The following CIB1 variants were observed in gnomAD, a reference collection of about 807,000 sequenced individuals.
CIB1 encodes calcium and integrin-binding protein 1.
CIB1 carries 19 observed loss-of-function variants against 25.0 expected under a neutral mutation model. The observed-to-expected ratio is 0.76, with a 90% confidence interval of 0.53 to 1.12. CIB1 has a LOEUF of 1.12. Among genes scored for constraint, CIB1 ranks in the 50% most tolerant of loss-of-function variants. The probability of loss-of-function intolerance (pLI) is 0.00; values close to 1 mark genes in which losing one functional copy is unlikely to be tolerated. For synonymous variants in CIB1, 104 were observed against 98.5 expected (o/e 1.06, Z -0.33); for missense variants, 236 against 242.6 (o/e 0.97, Z 0.18).
At chr15:90,265,324 G>C in the CIB1 span, 2 of 1,219,796 alleles carry the variant, frequency 1.6e-6, no homozygotes. Context: ...GAAGCCGAGT[G>C]CCCAAGGCAC....
chr15:90,242,170 C>T, the CIB1 span: 1 of 962,532 alleles, frequency 1.0e-6, no homozygotes, highest in Non-Finnish European at 1.5e-6. Flanking sequence ...TCACTGTAGC[C>T]TCCACCTCTG....
chr15:90,263,423 C>T, the CIB1 span: 1 of 482,302 alleles, frequency 2.1e-6, no homozygotes, highest in African/African-American at 1.9e-5. Context: ...CCAAAATAAC[C>T]CCACACTCAT....
At chr15:90,230,865 T>C in intron 6 of CIB1, 69 bp downstream of exon 6, 2 of 1,331,820 alleles carry the variant, frequency 1.5e-6, no homozygotes, top group South Asian at 1.2e-5. Context: ...CCTGTAGCCA[T>C]GCCCTAGGCC....
chr15:90,247,298 C>CT, the CIB1 span, among the ~76,000 whole-genome samples: 5,865 of 134,266 alleles, frequency 0.044, 505 homozygotes, highest in African/African-American at 0.15. Context: ...TTTCTTTTTT[C>CT]TTTTTTTTTT....
chr15:90,241,446 C>A, the CIB1 span: 2 of 1,613,534 alleles, frequency 1.2e-6, no homozygotes, highest in South Asian at 1.1e-5. Flanking sequence ...GCTCCCCCAG[C>A]GCCTGCTGCC....
At chr15:90,241,034 G>A in the CIB1 span, 14 of 1,614,038 alleles carry the variant, frequency 8.7e-6, no homozygotes, top group Admixed American at 1.7e-5. Context: ...AAGGGATTCA[G>A]TGGCCAAGGA....
the CIB1 span, chr15:90,263,071 C>T: frequency 1.0e-5 from 16 of 1,536,138 alleles, no homozygotes; most frequent in Non-Finnish European, 1.3e-5. Flanking sequence ...CATCCGAAGC[C>T]TGGGTATTGT....
the CIB1 span, among the ~76,000 whole-genome samples, chr15:90,256,752 G>T: frequency 6.6e-6 from 1 of 151,326 alleles, no homozygotes; most frequent in African/African-American, 2.4e-5. Flanking sequence ...GCAGCGGCAC[G>T]ATCTCAGCTC....
At chr15:90,236,585 G>A (rs749922426), upstream of CIB1, among the ~76,000 whole-genome samples, 10 of 152,142 alleles carry the variant, frequency 6.6e-5, no homozygotes, top group Non-Finnish European at 1.3e-4. Context: ...CCAGGCTGGA[G>A]TACAGTGGTA....
the CIB1 span, among the ~76,000 whole-genome samples, chr15:90,239,058 G>C: frequency 2.0e-5 from 3 of 152,118 alleles, no homozygotes; most frequent in Non-Finnish European, 4.4e-5. Flanking sequence ...TGAGTGTATA[G>C]GATGTTCATT....
chr15:90,256,031 G>T, the CIB1 span: 1 of 1,558,144 alleles, frequency 6.4e-7, no homozygotes, highest in Admixed American at 1.8e-5. Flanking sequence ...GAGGGTCTGA[G>T]ACTGAGTGCT....
the CIB1 span, chr15:90,265,334 C>T: frequency 2.4e-6 from 3 of 1,225,156 alleles, no homozygotes; most frequent in Non-Finnish European, 2.0e-6. Context: ...GCCCAAGGCA[C>T]TGGGCTGTCG....
the CIB1 span, chr15:90,255,824 A>G: frequency 1.2e-6 from 2 of 1,614,160 alleles, no homozygotes; most frequent in Non-Finnish European, 1.7e-6. Context: ...CCTCAACCGC[A>G]TGTACAAACT....
upstream of CIB1, among the ~76,000 whole-genome samples, chr15:90,236,669 G>T (rs1488194030): frequency 1.3e-5 from 2 of 151,828 alleles, no homozygotes; most frequent in African/African-American, 4.8e-5. Flanking sequence ...GAGTAGCTGG[G>T]ATTACAGGAG....
chr15:90,230,896 C>T (rs1962463285), intron 6 of CIB1, 38 bp downstream of exon 6: 1 of 1,564,588 alleles, frequency 6.4e-7, no homozygotes. Flanking sequence ...AGGTCGGAAC[C>T]TGCAGGTACC....
the CIB1 span, among the ~76,000 whole-genome samples, chr15:90,254,759 T>A: frequency 6.6e-6 from 1 of 151,792 alleles, no homozygotes; most frequent in Non-Finnish European, 1.5e-5. Flanking sequence ...GGCAGGAGGA[T>A]CTCTTGAGCC....
chr15:90,251,508 T>A, the CIB1 span: 1 of 1,561,984 alleles, frequency 6.4e-7, no homozygotes, highest in Non-Finnish European at 8.8e-7. Flanking sequence ...TGAGTACCTG[T>A]CCTTCCCTCC....
the CIB1 span, chr15:90,242,006 A>T: frequency 6.2e-7 from 1 of 1,614,054 alleles, no homozygotes; most frequent in Admixed American, 1.7e-5. Context: ...GGCTGCCCCC[A>T]TCCCAGGCAG....
the CIB1 span, chr15:90,257,093 A>T: frequency 6.3e-7 from 1 of 1,579,028 alleles, no homozygotes; most frequent in Non-Finnish European, 8.6e-7. Flanking sequence ...CATAGTAGGC[A>T]CTTCAAAAGT....
Sources: gnomAD v4.1 joint callset for allele counts (sites outside exome capture counted in the v4.1 genomes callset) on GRCh38, gnomAD v4.1.1 for gene constraint, MANE v1.5 for transcripts, NCBI Gene and HGNC (gene_info 2026-07-23, HGNC 2026-07-21) for gene names.